Variants in SPINT2 observed in about 807,000 individuals in gnomAD.
SPINT2 encodes the protein serine peptidase inhibitor, Kunitz type 2.
SPINT2 carries 18 observed loss-of-function variants against 30.1 expected under a neutral mutation model. The ratio of observed to expected loss-of-function variants is 0.60; its 90% CI spans 0.41 to 0.89. SPINT2 has a LOEUF of 0.89. Among genes scored for constraint, SPINT2 ranks in the 40% least tolerant of loss-of-function variants. The pLI is 0.00. For missense variants in SPINT2, 276 were observed against 334.3 expected, an observed-to-expected ratio of 0.83 and a Z score of 1.36; for synonymous variants, 139 against 137.9, an observed-to-expected ratio of 1.01 and a Z score of -0.05.
chr19:38,269,803 G>T (rs10408117), intron 1 of SPINT2, among the ~76,000 whole-genome samples: 1 of 94,018 alleles, frequency 1.1e-5, no homozygotes, highest in African/African-American at 5.2e-5. Flanking sequence ...TAGAGACGGG[G>T]TTTCACCGTG....
At chr19:38,273,522 C>G (rs969397999) in intron 1 of SPINT2, among the ~76,000 whole-genome samples, 5 of 152,224 alleles carry the variant, frequency 3.3e-5, no homozygotes, top group African/African-American at 1.2e-4. Flanking sequence ...TTAAGATGCT[C>G]TCATTCATTC....
chr19:38,269,854 C>CCGCCTCGTT (rs1968431038), intron 1 of SPINT2, among the ~76,000 whole-genome samples: 1 of 152,208 alleles, frequency 6.6e-6, no homozygotes. Flanking sequence ...TGTGATCTGC[C>CCGCCTCGTT]CGCCTCGGCC....
In SPINT2 at chr19:38,290,193, A is replaced by G. The variant is rs770724269; in HGVS notation, c.466A>G (p.Asn156Asp). ...FPRWYFDVER[N>D]SCNNFIYGGC... ...ACGCTGGTACTTTGACGTGGAGAGG[A>G]ACTCCTGCAATAACTTCATCTATGG... The change falls in exon 5 of 7, where the codon AAC becomes GAC. Residue 156 changes from asparagine to aspartate, a missense_variant. Transcript: ENST00000301244. The surrounding 1 kb of genome is among the most constrained non-coding windows in gnomAD (Gnocchi z 4.3). The G allele has an allele frequency of 6.2e-7, 1 of 1,612,578 alleles. No individual in the cohort carries two copies. Among genetic ancestry groups the G allele is most frequent in the Admixed American group, 1.7e-5 (1 of 60,022 alleles).
At chr19:38,267,830 C>T (rs1356468985) in intron 1 of SPINT2, among the ~76,000 whole-genome samples, 4 of 151,860 alleles carry the variant, frequency 2.6e-5, no homozygotes, top group Non-Finnish European at 5.9e-5. Context: ...ACGTGCCAGG[C>T]GGGGTAGTGA....
intron 1 of SPINT2, among the ~76,000 whole-genome samples, chr19:38,279,082 A>G (rs1391176878): frequency 2.0e-5 from 3 of 152,124 alleles, no homozygotes; most frequent in African/African-American, 7.2e-5. Context: ...ACTCACAAAA[A>G]GATGTGTGTC....
intron 1 of SPINT2, among the ~76,000 whole-genome samples, chr19:38,276,815 T>G (rs1968524115): frequency 6.6e-6 from 1 of 152,062 alleles, no homozygotes; most frequent in Non-Finnish European, 1.5e-5. Flanking sequence ...TAATTTATTT[T>G]TGGAGAACAA....
intron 1 of SPINT2, among the ~76,000 whole-genome samples, chr19:38,275,732 A>AT (rs1968509641): frequency 1.6e-5 from 2 of 127,292 alleles, no homozygotes; most frequent in South Asian, 2.6e-4. Flanking sequence ...TTGACAAAAA[A>AT]ATTTTTTTTT....
At chr19:38,281,817 A>G (rs1005877889) in intron 1 of SPINT2, among the ~76,000 whole-genome samples, 3 of 152,044 alleles carry the variant, frequency 2.0e-5, no homozygotes, top group African/African-American at 7.2e-5. Flanking sequence ...ATTTTAGAAC[A>G]TTTTCATCAT....
intron 2 of SPINT2, among the ~76,000 whole-genome samples, chr19:38,286,462 G>A (rs923908562): frequency 3.9e-5 from 6 of 152,220 alleles, no homozygotes; most frequent in African/African-American, 1.4e-4. Flanking sequence ...TCTTGGACGA[G>A]GTGTGGGAGA....
At chr19:38,268,760 C>CGTGTGT (rs765952659) in intron 1 of SPINT2, among the ~76,000 whole-genome samples, 1 of 126,006 alleles carries the variant, frequency 7.9e-6, no homozygotes, top group Non-Finnish European at 1.8e-5. Flanking sequence ...AGAGCATGCG[C>CGTGTGT]GCGCGCGTGT....
rs1049687227 is a variant in SPINT2, at chr19:38,264,973, G to A, written c.81G>A (p.Ala27=). The A allele has an allele frequency of 6.5e-7, 1 of 1,534,814 alleles. No individual in the cohort carries two copies. Among genetic ancestry groups the A allele is most frequent in the South Asian group, 1.2e-5 (1 of 83,738 alleles). Residue 27 remains alanine (A), a synonymous_variant, in exon 1 of 7, where the codon GCG becomes GCA. Coordinates refer to ENST00000301244, the MANE Select transcript of SPINT2 (RefSeq NM_021102.4). ...CGCTGCTCCTCTCTGGGGTCCTGGC[G>A]GCCGACCGAGAACGCAGCATCCACG... The part of the protein sequence containing the change: ...LGSLLLSGVL[A]ADRERSIHDF...
intron 2 of SPINT2, among the ~76,000 whole-genome samples, chr19:38,284,843 G>C (rs549197580): frequency 6.6e-6 from 1 of 152,264 alleles, no homozygotes; most frequent in African/African-American, 2.4e-5. Flanking sequence ...AGCCTCCTGA[G>C]TAGCTGGGAT....
At position 38,290,340 on chromosome 19, in the gene SPINT2, C is replaced by G; in HGVS notation, c.553+60C>G. 1 of 1,592,834 alleles carries G rather than the reference C, an allele frequency of 6.3e-7. No individual in the cohort carries two copies. The highest frequency in any genetic ancestry group is 8.5e-7 in the Non-Finnish European group (1 of 1,170,306). On this transcript the variant is annotated intron_variant, in intron 5 of 6. Coordinates refer to ENST00000301244, the MANE Select transcript of SPINT2 (RefSeq NM_021102.4). This position sits in a 1 kb window ranked among gnomAD's most constrained non-coding sequence, Gnocchi z 4.3. ...CCCTTGAGGACCCCGGTCCATCTCC[C>G]CATCCCTAAAATATGAAGGCCTTGG...
intron 2 of SPINT2, among the ~76,000 whole-genome samples, chr19:38,286,512 C>T (rs138487046): frequency 1.3e-3 from 201 of 152,228 alleles, no homozygotes; most frequent in African/African-American, 4.5e-3. Flanking sequence ...CCGGGTGCGG[C>T]GGCTCACGCC....
chr19:38,270,288 T>A (rs1227830977), intron 1 of SPINT2, among the ~76,000 whole-genome samples: 9 of 152,182 alleles, frequency 5.9e-5, no homozygotes, highest in Non-Finnish European at 1.3e-4. Flanking sequence ...ATTATTCTTA[T>A]CCTCCATAGA....
intron 1 of SPINT2, among the ~76,000 whole-genome samples, chr19:38,277,447 G>A (rs183907970): frequency 3.7e-4 from 57 of 152,074 alleles, no homozygotes; most frequent in African/African-American, 1.3e-3. Context: ...CAATTTGCTC[G>A]TCTCAGCCTC....
At chr19:38,272,975 GCCTCCCAGA>G (rs1390197288) in intron 1 of SPINT2, among the ~76,000 whole-genome samples, 2 of 152,184 alleles carry the variant, frequency 1.3e-5, no homozygotes, top group African/African-American at 4.8e-5. Flanking sequence ...ACCTGCCTCA[GCCTCCCAGA>G]GTGCTGGGGT....
At chr19:38,289,271 G>A (rs1448135786) in intron 4 of SPINT2, 80 bp downstream of exon 4, 12 of 1,249,040 alleles carry the variant, frequency 9.6e-6, no homozygotes, top group Admixed American at 3.4e-5. Flanking sequence ...GGCGGATCAC[G>A]AGGTCAGGAT....
At chr19:38,274,657 A>C (rs1485091323) in intron 1 of SPINT2, among the ~76,000 whole-genome samples, 17 of 152,056 alleles carry the variant, frequency 1.1e-4, no homozygotes, top group Non-Finnish European at 1.5e-5. Flanking sequence ...ATCTACTGAA[A>C]ATACACAAAG....
Sources: gnomAD v4.1 joint callset for allele counts (sites outside exome capture counted in the v4.1 genomes callset) on GRCh38, gnomAD v4.1.1 for gene constraint, Gnocchi (gnomAD v3.1) non-coding constraint, MANE v1.5 for transcripts, NCBI Gene and HGNC (gene_info 2026-07-23, HGNC 2026-07-21) for gene names.